The following ANKRD37 variants were observed in gnomAD, a reference collection of about 807,000 sequenced individuals.
The protein encoded by ANKRD37 is ankyrin repeat domain 37.
A neutral mutation model predicts 19.7 loss-of-function variants in ANKRD37; 17 were observed. That is an observed-to-expected ratio of 0.86 (90% CI 0.59 to 1.29). ANKRD37 has a LOEUF of 1.29. Ranked by LOEUF, ANKRD37 falls within the 50% of genes most tolerant of loss-of-function variation. The pLI, the probability that ANKRD37 is intolerant of heterozygous loss-of-function variation, is 0.00. For synonymous variants in ANKRD37, 79 were observed against 74.5 expected (o/e 1.06, Z -0.31); for missense variants, 207 against 190.4 (o/e 1.09, Z -0.51).
Position 185,400,165 on chromosome 4 carries a change from C to A in ANKRD37, c.*148C>A. 1 of 794,432 alleles carries A rather than the reference C, an allele frequency of 1.3e-6. No homozygotes were observed. Among genetic ancestry groups the A allele is most frequent in the Non-Finnish European group, 2.0e-6 (1 of 502,658 alleles). The allele number at this position is 794,432 out of a possible 1,614,324, so 49.2% of individuals were successfully genotyped here. ...TTCCAAGTGAAGATCCATTTAAGAACACATGTATTTACATGCCTATAATAT... is the reference window on the plus strand; with the variant it reads ...TTCCAAGTGAAGATCCATTTAAGAAAACATGTATTTACATGCCTATAATAT... On this transcript the variant is annotated 3_prime_UTR_variant, in exon 5 of 5. Coordinates refer to ENST00000335174, the MANE Select transcript of ANKRD37 (RefSeq NM_181726.4).
intron 1 of ANKRD37, 47 bp from the exon 2 acceptor site, chr4:185,397,103 G>A: frequency 6.2e-7 from 1 of 1,610,946 alleles, no homozygotes; most frequent in Non-Finnish European, 8.5e-7. Flanking sequence ...AGGGGCGCGG[G>A]ACTGGACAAA....
chr4:185,397,473 T>G, intron 2 of ANKRD37, 171 bp downstream of exon 2: 2 of 900,674 alleles, frequency 2.2e-6, no homozygotes, highest in Non-Finnish European at 3.2e-6. Flanking sequence ...TTTTCCAGTC[T>G]TGATGTGAGG....
At position 185,399,301 on chromosome 4, in the gene ANKRD37, G is replaced by A. The variant is rs547009585; in HGVS notation, c.273-269G>A. 3.4e-3 allele frequency among the ~76,000 whole-genome samples: 514 copies of A among 152,202 alleles called. 1 individual carries two copies. Among genetic ancestry groups the A allele is most frequent in the Non-Finnish European group, 5.4e-3 (365 of 68,020 alleles). On this transcript the variant is annotated intron_variant, in intron 3 of 4. Transcript: ENST00000335174. ...TCGGTTCAGGAAAACCCATTCTATAGTTCCCATTGACTACCTTTGGGTACT... is the reference window on the plus strand; with the variant it reads ...TCGGTTCAGGAAAACCCATTCTATAATTCCCATTGACTACCTTTGGGTACT...
chr4:185,397,093 A>G (rs2095505485), intron 1 of ANKRD37, 57 bp from the exon 2 acceptor site: 2 of 1,609,178 alleles, frequency 1.2e-6, no homozygotes, highest in Admixed American at 1.7e-5. Context: ...TCCAGCCCGG[A>G]GGGGCGCGGG....
intron 2 of ANKRD37, 143 bp downstream of exon 2, chr4:185,397,445 GATGTA>G: frequency 8.7e-7 from 1 of 1,154,950 alleles, no homozygotes; most frequent in South Asian, 1.7e-5. Context: ...GCAAGACACA[GATGTA>G]ATTTAAGAGT....
At chr4:185,399,903 A>G (rs1362007563) in intron 4 of ANKRD37, 114 bp from the exon 5 acceptor site, 10 of 1,538,936 alleles carry the variant, frequency 6.5e-6, no homozygotes, top group Non-Finnish European at 8.7e-7. Flanking sequence ...ACATTTTAGT[A>G]CTGGTTATAC....
chr4:185,398,393 GATT>G (rs2095508397), intron 2 of ANKRD37, among the ~76,000 whole-genome samples: 2 of 152,228 alleles, frequency 1.3e-5, no homozygotes, highest in African/African-American at 4.8e-5. Context: ...CAAAGGAGGA[GATT>G]TTTAGAAGGT....
At position 185,399,003 on chromosome 4, in the gene ANKRD37, C is replaced by G; in HGVS notation, c.247C>G (p.Leu83Val). Residue 83 changes from leucine to valine, a missense_variant, in exon 3 of 5, where the codon CTT (leucine) becomes GTT (valine). By Grantham distance (32) the Leu-to-Val change is conservative. Transcript: ENST00000335174. The stretch of plus-strand genomic sequence containing the variant: ...TGGAAGCCTGGAGTGCCTAAGCCTG[C>G]TTGTAGCCAGTGATGCCCAAATTGA... Reference protein sequence around the residue: ...KVGSLECLSLLVASDAQIDLC... With the variant: ...KVGSLECLSLVVASDAQIDLC... 3 of 1,613,822 alleles carry G rather than the reference C, an allele frequency of 1.9e-6. No homozygotes were observed. Among genetic ancestry groups the G allele is most frequent in the Non-Finnish European group, 2.5e-6 (3 of 1,179,784 alleles).
At chr4:185,400,443 G>A (rs1193628434), downstream of ANKRD37, 6 of 1,613,732 alleles carry the variant, frequency 3.7e-6, no homozygotes, top group South Asian at 3.3e-5. Context: ...ATGCATCCTT[G>A]TTCCAAAAAT....
intron 2 of ANKRD37, chr4:185,397,612 T>G (rs2095506704): frequency 6.6e-6 from 2 of 302,042 alleles, no homozygotes; most frequent in South Asian, 8.1e-5. Context: ...ATTAGATATT[T>G]TACACTTTCT....
chr4:185,400,513 C>T (rs1215245848), downstream of ANKRD37: 5 of 1,509,272 alleles, frequency 3.3e-6, no homozygotes, highest in Non-Finnish European at 4.6e-6. Context: ...AAGCCTTTTA[C>T]AAAGTTACAA....
rs758328018 is a variant in ANKRD37 at position 185,400,114 on chromosome 4, CCTT to C, written c.*100_*102del. Reference sequence around the variant, plus strand: ...CTTTACCATATGTTGTGTCTAATCTCCTTCTGAGAAGGACGAAAAACTTTCTTC... The same window carrying C: ...CTTTACCATATGTTGTGTCTAATCTCCTGAGAAGGACGAAAAACTTTCTTC... On this transcript the variant is annotated 3_prime_UTR_variant, in exon 5 of 5. Transcript: ENST00000335174. 1.2e-5 allele frequency: 14 copies of C among 1,200,186 alleles called. No individual in the cohort carries two copies. In the East Asian group the frequency reaches 2.1e-4, roughly 18 times the overall value. The allele number at this position is 1,200,186 out of a possible 1,614,324, so 74.3% of individuals were successfully genotyped here.
intron 4 of ANKRD37, 61 bp from the exon 5 acceptor site, chr4:185,399,956 G>A (rs2095511222): frequency 7.6e-6 from 12 of 1,580,908 alleles, no homozygotes; most frequent in East Asian, 2.3e-5. Context: ...CATGGTGGAA[G>A]TTTGGGGATA....
intron 2 of ANKRD37, 175 bp downstream of exon 2, chr4:185,397,477 T>C (rs1377996436): frequency 1.2e-6 from 1 of 850,532 alleles, no homozygotes; most frequent in East Asian, 3.0e-5. Flanking sequence ...CCAGTCTTGA[T>C]GTGAGGACAT....
rs540139187 is a variant in ANKRD37 at position 185,396,867 on chromosome 4, C to G, written c.-57C>G. On this transcript the variant is annotated 5_prime_UTR_variant, in exon 1 of 5. Coordinates refer to ENST00000335174, the MANE Select transcript of ANKRD37 (RefSeq NM_181726.4). The stretch of plus-strand genomic sequence containing the variant: ...CGCATTCTTACCTGTCGGGGTGCGG[C>G]GAGTGTCTCACCTCTCTGCACTTCC... 10 of 1,585,880 alleles carry G rather than the reference C, an allele frequency of 6.3e-6. No individual in the cohort carries two copies. Among genetic ancestry groups the G allele is most frequent in the South Asian group, 2.2e-5 (2 of 90,516 alleles).
intron 3 of ANKRD37, among the ~76,000 whole-genome samples, chr4:185,399,292 C>G (rs2095510173): frequency 6.6e-6 from 1 of 152,094 alleles, no homozygotes; most frequent in Non-Finnish European, 1.5e-5. Context: ...CAGGAAAACC[C>G]ATTCTATAGT....
Position 185,399,029 on chromosome 4 carries a change from G to GT in ANKRD37, c.272+2dup. ...TTGTAGCCAGTGATGCCCAAATTGA[G>GT]TGAGTATGAAAACAGTGGCTTCACA... On this transcript the variant is annotated splice_donor_variant, in intron 3 of 4. Transcript: ENST00000335174. LOFTEE classifies it high-confidence loss of function. The GT allele has an allele frequency of 6.2e-7, 1 of 1,613,186 alleles. No individual in the cohort carries two copies. The highest frequency in any genetic ancestry group is 8.5e-7 in the Non-Finnish European group (1 of 1,179,324).
intron 2 of ANKRD37, among the ~76,000 whole-genome samples, chr4:185,397,917 CTTTT>C (rs935478563): frequency 2.6e-5 from 4 of 152,150 alleles, no homozygotes; most frequent in Non-Finnish European, 4.4e-5. Flanking sequence ...TGGAAGAACT[CTTTT>C]TATTTGCTTA....
At chr4:185,399,196 C>CA (rs1179854059) in intron 3 of ANKRD37, among the ~76,000 whole-genome samples, 168 bp downstream of exon 3, 1 of 152,128 alleles carries the variant, frequency 6.6e-6, no homozygotes, top group African/African-American at 2.4e-5. Flanking sequence ...GAATAATACT[C>CA]AGTTCGAGTA....
Sources: gnomAD v4.1 joint callset for allele counts (sites outside exome capture counted in the v4.1 genomes callset) on GRCh38, gnomAD v4.1.1 for gene constraint, MANE v1.5 for transcripts, NCBI Gene and HGNC (gene_info 2026-07-23, HGNC 2026-07-21) for gene names.